The following MTCL1 variants were observed in gnomAD, a reference collection of about 807,000 sequenced individuals.
MTCL1 encodes the protein microtubule cross-linking factor 1.
MTCL1 carries 79 observed loss-of-function variants against 141.4 expected under a neutral mutation model. The ratio of observed to expected loss-of-function variants is 0.56; its 90% CI spans 0.47 to 0.67. The LOEUF is 0.67. Ranked by LOEUF, MTCL1 falls within the 30% of genes least tolerant of loss-of-function variation. The probability of loss-of-function intolerance (pLI) is 0.00; values close to 1 mark genes in which losing one functional copy is unlikely to be tolerated. For missense variants in MTCL1, 2,177 were observed against 2,113.9 expected, an observed-to-expected ratio of 1.03 and a Z score of -0.59; for synonymous variants, 914 against 875.8, an observed-to-expected ratio of 1.04 and a Z score of -0.77.
At chr18:8,806,773 C>A in intron 10 of MTCL1, 120 bp from the exon 10 acceptor site, 1 of 934,518 alleles carries the variant, frequency 1.1e-6, no homozygotes, top group Non-Finnish European at 1.6e-6. Flanking sequence ...ACCCTGCACC[C>A]ACTGCCAACA....
chr18:8,822,113 C>T lies in MTCL1; in HGVS notation c.3188+615C>T, dbSNP rs757810867. Among the ~76,000 whole-genome samples the T allele has an allele frequency of 6.6e-6, 1 of 152,204 alleles. No individual in the cohort carries two copies. The highest frequency in any genetic ancestry group is 1.5e-5 in the Non-Finnish European group (1 of 68,034). ...TCATCCTTGATTTTCCTCTGAACTTCGAGTCTGTGAATGACTGTCCTCTTC... is the reference window on the plus strand; with the variant it reads ...TCATCCTTGATTTTCCTCTGAACTTTGAGTCTGTGAATGACTGTCCTCTTC... On this transcript the variant is annotated intron_variant, in intron 14 of 16. Transcript: ENST00000359865. This position sits in a 1 kb window ranked among gnomAD's most constrained non-coding sequence, Gnocchi z 4.6.
chr18:8,715,072 A>G (rs2096120251), upstream of MTCL1, among the ~76,000 whole-genome samples: 1 of 152,236 alleles, frequency 6.6e-6, no homozygotes, highest in South Asian at 2.1e-4. Flanking sequence ...CTGGGATTAC[A>G]GGCGTGAGCC....
At chr18:8,801,707 G>A (rs1218285170) in intron 10 of MTCL1, 1 of 152,160 alleles carries the variant, frequency 6.6e-6, no homozygotes, top group Non-Finnish European at 1.5e-5. Flanking sequence ...CTTCCCTAAT[G>A]GCCACCTGAT....
chr18:8,797,401 C>T (rs1222394592), intron 9 of MTCL1, among the ~76,000 whole-genome samples: 1 of 152,226 alleles, frequency 6.6e-6, no homozygotes, highest in African/African-American at 2.4e-5. Context: ...TCTTTGCCTT[C>T]TGTTTGCTTT....
intron 4 of MTCL1, among the ~76,000 whole-genome samples, chr18:8,766,901 A>C (rs148376266): frequency 6.6e-6 from 1 of 152,114 alleles, no homozygotes; most frequent in Admixed American, 6.6e-5. Flanking sequence ...AAGCTTGTTC[A>C]TTCCCAGCCC....
At chr18:8,775,131 A>T (rs1366103927) in intron 4 of MTCL1, among the ~76,000 whole-genome samples, 1 of 152,180 alleles carries the variant, frequency 6.6e-6, no homozygotes, top group Non-Finnish European at 1.5e-5. Flanking sequence ...CATTGGGAGA[A>T]TGTGATGAAA....
chr18:8,785,720 A>C, intron 6 of MTCL1: 2 of 585,326 alleles, frequency 3.4e-6, no homozygotes, highest in South Asian at 4.6e-5. Context: ...GCTCATCCTC[A>C]TCTTGGGTCT....
At chr18:8,751,595 C>T (rs1382621482) in intron 4 of MTCL1, among the ~76,000 whole-genome samples, 4 of 152,182 alleles carry the variant, frequency 2.6e-5, no homozygotes, top group African/African-American at 9.7e-5. Flanking sequence ...AGGGTTTTAG[C>T]TCCATTCCCT....
chr18:8,728,789 G>C lies in MTCL1; in HGVS notation c.357+8293G>C, dbSNP rs890310059. ...TCTGTCGCCCAGGCTGGAGTGCAGT[G>C]GCGTGATTGATCTCGGCTCGCTGCA... On this transcript the variant is annotated intron_variant, in intron 4 of 16. Coordinates refer to ENST00000359865, the Ensembl canonical transcript of MTCL1. 5.6e-4 allele frequency among the ~76,000 whole-genome samples: 25 copies of C among 44,742 alleles called. 1 individual carries two copies. Among genetic ancestry groups the C allele is most frequent in the African/African-American group, 4.7e-3 (25 of 5,284 alleles). The allele number at this position is 44,742 out of a possible 152,430, so 29.4% of individuals were successfully genotyped here.
At chr18:8,786,535 A>G (rs888041764) in intron 7 of MTCL1, 7 of 365,068 alleles carry the variant, frequency 1.9e-5, no homozygotes, top group Non-Finnish European at 3.3e-5. Flanking sequence ...GTCTCGAGTG[A>G]CACTGCTGGC....
intron 8 of MTCL1, 60 bp downstream of exon 7, chr18:8,793,180 A>C (rs2075796789): frequency 6.3e-7 from 1 of 1,597,110 alleles, no homozygotes; most frequent in African/African-American, 1.3e-5. Context: ...CCCAAAGGAG[A>C]AATGCCACGA....
chr18:8,720,419 G>T lies in MTCL1; in HGVS notation c.280G>T (p.Glu94Ter). 1 of 1,614,070 alleles carries T rather than the reference G, an allele frequency of 6.2e-7. No individual in the cohort carries two copies. Among genetic ancestry groups the T allele is most frequent in the Non-Finnish European group, 8.5e-7 (1 of 1,180,010 alleles). The change falls in exon 4 of 17, where the codon GAA (glutamate) becomes TAA (stop). Residue 94 changes from glutamate (E) to a stop codon, truncating the protein, a stop_gained. Transcript: ENST00000359865. LOFTEE classifies it high-confidence loss of function. ...GCGCGCTAAAGCTGAGGATGAAAAC[G>T]AAACTCTCCGACAGCAGATGATTGA...
chr18:8,751,671 C>T (rs73939526), intron 4 of MTCL1, among the ~76,000 whole-genome samples: 3,918 of 152,096 alleles, frequency 0.026, 181 homozygotes, highest in African/African-American at 0.088. Context: ...CAGTGCAGGA[C>T]GGGGTAGGTG....
intron 4 of MTCL1, among the ~76,000 whole-genome samples, chr18:8,762,765 G>A (rs1033622449): frequency 2.6e-5 from 4 of 152,142 alleles, no homozygotes; most frequent in African/African-American, 9.7e-5. Context: ...AAGCAATTGG[G>A]GAGCCCCTCT....
chr18:8,797,712 G>T (rs781281639), intron 9 of MTCL1, among the ~76,000 whole-genome samples: 2 of 152,166 alleles, frequency 1.3e-5, no homozygotes, highest in African/African-American at 4.8e-5. Context: ...AACTAATTCC[G>T]CCAGCTTCCA....
chr18:8,767,831 A>G (rs1369596594), intron 4 of MTCL1, among the ~76,000 whole-genome samples: 8 of 152,196 alleles, frequency 5.3e-5, no homozygotes, highest in Admixed American at 4.6e-4. Context: ...AAAGTCATCC[A>G]TAATTCTATT....
intron 4 of MTCL1, among the ~76,000 whole-genome samples, chr18:8,756,419 A>G (rs559977363): frequency 1.4e-4 from 20 of 145,814 alleles, no homozygotes; most frequent in African/African-American, 2.4e-4. Context: ...GTATATGTGT[A>G]TATATGTGTA....
At chr18:8,710,524 A>G (rs374512168) in intron 1 of MTCL1, among the ~76,000 whole-genome samples, 13 of 144,732 alleles carry the variant, frequency 9.0e-5, no homozygotes, top group African/African-American at 3.1e-4. Context: ...TAAAATAATT[A>G]CAGCCTTAAT....
chr18:8,756,525 ATG>A (rs1294574218), intron 4 of MTCL1, among the ~76,000 whole-genome samples: 2,635 of 148,266 alleles, frequency 0.018, 102 homozygotes, highest in African/African-American at 0.065. Context: ...GTGTGTATAT[ATG>A]TGTGTGTATA....
Sources: gnomAD v4.1 joint callset for allele counts (sites outside exome capture counted in the v4.1 genomes callset) on GRCh38, gnomAD v4.1.1 for gene constraint, Gnocchi (gnomAD v3.1) non-coding constraint, MANE v1.5 for transcripts, NCBI Gene and HGNC (gene_info 2026-07-23, HGNC 2026-07-21) for gene names.